Variants in AFF4 observed in about 807,000 individuals in gnomAD.
The protein encoded by AFF4 is ALF transcription elongation factor 4.
Under a neutral mutation model 124.8 loss-of-function variants are expected in AFF4, and 13 were observed. The ratio of observed to expected loss-of-function variants is 0.10; its 90% CI spans 0.07 to 0.17. The LOEUF is 0.17. AFF4 is among the 10% of genes least tolerant of loss of function. The pLI is 1.00. For synonymous variants in AFF4, 477 were observed against 496.1 expected (o/e 0.96, Z 0.51); for missense variants, 1,092 against 1,403.8 (o/e 0.78, Z 3.55).
At chr5:132,899,194 T>C in intron 8 of AFF4, 53 bp from the exon 9 acceptor site, 12 of 1,534,524 alleles carry the variant, frequency 7.8e-6, no homozygotes, top group Non-Finnish European at 1.1e-5. Context: ...GTATTCTATT[T>C]GCTTAGTGTG....
At chr5:132,887,756 C>T (rs963095030) in intron 16 of AFF4, 90 bp downstream of exon 16, 8 of 1,544,232 alleles carry the variant, frequency 5.2e-6, no homozygotes, top group African/African-American at 1.4e-5. Flanking sequence ...GGATTATACA[C>T]CCTCTTCAGT....
At chr5:132,902,176 T>C (rs986467100) in intron 7 of AFF4, among the ~76,000 whole-genome samples, 3 of 152,160 alleles carry the variant, frequency 2.0e-5, no homozygotes, top group Non-Finnish European at 2.9e-5. Flanking sequence ...GCCTTCCAAG[T>C]AGCTGGGATT....
chr5:132,898,903 A>C (rs536447739), intron 9 of AFF4, among the ~76,000 whole-genome samples: 112 of 152,250 alleles, frequency 7.4e-4, no homozygotes, highest in Non-Finnish European at 1.5e-3. Flanking sequence ...CTTAGCTATT[A>C]ATACTCACCT....
At chr5:132,940,380 A>C (rs1432654716) in intron 1 of AFF4, among the ~76,000 whole-genome samples, 1 of 150,952 alleles carries the variant, frequency 6.6e-6, no homozygotes, top group Non-Finnish European at 1.5e-5. Flanking sequence ...GGGCGCCTGA[A>C]GTCCCAGCTA....
At chr5:132,901,770 C>T (rs1760557997) in intron 7 of AFF4, among the ~76,000 whole-genome samples, 1 of 152,096 alleles carries the variant, frequency 6.6e-6, no homozygotes, top group African/African-American at 2.4e-5. Context: ...TAGGAATATA[C>T]ACACAAAAAC....
intron 1 of AFF4, among the ~76,000 whole-genome samples, chr5:132,941,924 T>C (rs1239181983): frequency 1.3e-5 from 2 of 151,522 alleles, no homozygotes; most frequent in Admixed American, 1.3e-4. Flanking sequence ...GGAGAATCGC[T>C]TGAACCCAGG....
intron 4 of AFF4, among the ~76,000 whole-genome samples, chr5:132,929,838 G>T (rs1043796698): frequency 6.6e-6 from 1 of 152,160 alleles, no homozygotes; most frequent in African/African-American, 2.4e-5. Context: ...TAAAGAATCA[G>T]GTAGCAATGC....
At position 132,896,907 on chromosome 5, in the gene AFF4, C is replaced by A. The variant is rs780237564; in HGVS notation, c.1723G>T (p.Ala575Ser). Residue 575 changes from alanine to serine, a missense_variant, in exon 11 of 21, where the codon GCT (alanine) becomes TCT (serine). Ala to Ser is a moderately conservative substitution (Grantham distance 99, BLOSUM62 1). Coordinates refer to ENST00000265343, the MANE Select transcript of AFF4 (RefSeq NM_014423.4). Reference sequence around the variant, plus strand: ...TTCAGGCCTCCACGAGGCTCTTCAGCAGCTGCCTTCTCAGCCTTTTTGGGT... The same window carrying A: ...TTCAGGCCTCCACGAGGCTCTTCAGAAGCTGCCTTCTCAGCCTTTTTGGGT... ...KQPKKAEKAA[A>S]EEPRGGLKIE... The A allele has an allele frequency of 1.5e-5, 24 of 1,614,198 alleles. No homozygotes were observed. In the South Asian group the frequency reaches 2.5e-4, roughly 17 times the overall value.
At chr5:132,957,850 T>C (rs1761996936) in intron 1 of AFF4, among the ~76,000 whole-genome samples, 1 of 152,124 alleles carries the variant, frequency 6.6e-6, no homozygotes. Flanking sequence ...CTGAGAAGTA[T>C]CATAGGGCAA....
chr5:132,955,880 T>C (rs1156410428), intron 1 of AFF4, among the ~76,000 whole-genome samples: 1 of 145,106 alleles, frequency 6.9e-6, no homozygotes, highest in African/African-American at 2.5e-5. Context: ...ATAATATACA[T>C]CAGAGTATAT....
chr5:132,908,418 C>T (rs1381601077), intron 5 of AFF4, among the ~76,000 whole-genome samples: 1 of 151,952 alleles, frequency 6.6e-6, no homozygotes, highest in Non-Finnish European at 1.5e-5. Flanking sequence ...GAAGAAATAC[C>T]ATGCTTATTA....
At chr5:132,950,198 G>A (rs561687900) in intron 1 of AFF4, among the ~76,000 whole-genome samples, 7 of 152,182 alleles carry the variant, frequency 4.6e-5, no homozygotes, top group South Asian at 4.1e-4. Context: ...GTGCCTGGCC[G>A]GGCGCGATGG....
At chr5:132,960,916 T>C (rs1762066567) in intron 1 of AFF4, among the ~76,000 whole-genome samples, 1 of 152,106 alleles carries the variant, frequency 6.6e-6, no homozygotes. Context: ...AGTAGGCTTC[T>C]GCTTGTTTGA....
intron 7 of AFF4, among the ~76,000 whole-genome samples, chr5:132,900,301 A>C (rs1760517269): frequency 6.6e-6 from 1 of 152,242 alleles, no homozygotes. Context: ...TCATGCCTGT[A>C]ATCCCACTAC....
intron 5 of AFF4, among the ~76,000 whole-genome samples, chr5:132,907,399 C>T (rs1395126017): frequency 6.6e-6 from 1 of 152,144 alleles, no homozygotes. Flanking sequence ...ACTCATGTAT[C>T]AAAGTACTGA....
At chr5:132,938,115 T>TA (rs905774728) in intron 1 of AFF4, among the ~76,000 whole-genome samples, 44 of 149,074 alleles carry the variant, frequency 3.0e-4, no homozygotes, top group East Asian at 5.8e-4. Context: ...TTTTTTTTTT[T>TA]AAAAAAAAAG....
chr5:132,889,902 C>T (rs563243175), intron 13 of AFF4, among the ~76,000 whole-genome samples: 53 of 152,056 alleles, frequency 3.5e-4, no homozygotes, highest in African/African-American at 1.2e-3. Flanking sequence ...CCTGAGTAGC[C>T]GGGACCATGG....
chr5:132,888,032 A>C (rs1386751475), intron 15 of AFF4, 50 bp from the exon 16 acceptor site: 4 of 1,608,992 alleles, frequency 2.5e-6, no homozygotes, highest in Non-Finnish European at 3.4e-6. Flanking sequence ...TATGGCTACA[A>C]ACATCAGAAG....
chr5:132,955,293 G>A (rs557417791), intron 1 of AFF4, among the ~76,000 whole-genome samples: 1 of 152,112 alleles, frequency 6.6e-6, no homozygotes, highest in Non-Finnish European at 1.5e-5. Flanking sequence ...CATTCAGGCA[G>A]GAAAACAGGG....
Sources: allele counts gnomAD v4.1 joint callset (sites outside exome capture counted in the v4.1 genomes callset), GRCh38; gene constraint gnomAD v4.1.1; transcripts MANE v1.5; gene names NCBI Gene and HGNC (gene_info 2026-07-23, HGNC 2026-07-21).